The following TMEM117 variants were observed in gnomAD, a reference collection of about 807,000 sequenced individuals.
TMEM117 encodes the protein transmembrane protein 117.
TMEM117 carries 27 observed loss-of-function variants against 52.4 expected under a neutral mutation model. The ratio of observed to expected loss-of-function variants is 0.51; its 90% CI spans 0.38 to 0.71. The LOEUF is 0.71. TMEM117 is among the 30% of genes least tolerant of loss of function. TMEM117 has a pLI of 0.00. For synonymous variants in TMEM117, 215 were observed against 206.3 expected (o/e 1.04, Z -0.36); for missense variants, 556 against 630.5 (o/e 0.88, Z 1.26).
At chr12:44,081,679 G>A (rs1947483593) in intron 3 of TMEM117, among the ~76,000 whole-genome samples, 1 of 152,078 alleles carries the variant, frequency 6.6e-6, no homozygotes, top group Non-Finnish European at 1.5e-5. Flanking sequence ...TATTTTTAAA[G>A]TTAATGACTT....
chr12:43,839,307 C>T (rs1943081330), intron 1 of TMEM117, among the ~76,000 whole-genome samples: 1 of 152,290 alleles, frequency 6.6e-6, no homozygotes, highest in South Asian at 2.1e-4. Context: ...TCCTGTCCCA[C>T]TCAGGGTGAA....
intron 3 of TMEM117, among the ~76,000 whole-genome samples, chr12:44,037,094 C>T (rs1946721280): frequency 6.6e-6 from 1 of 152,086 alleles, no homozygotes; most frequent in African/African-American, 2.4e-5. Flanking sequence ...CAGGTGGAAG[C>T]CCCGCTCCCT....
intron 6 of TMEM117, among the ~76,000 whole-genome samples, chr12:44,324,968 T>C (rs1951177186): frequency 1.3e-5 from 2 of 152,200 alleles, no homozygotes; most frequent in South Asian, 4.1e-4. Context: ...TATAATAAGC[T>C]AAGCCAAATT....
chr12:44,271,238 G>A (rs1950442207), intron 5 of TMEM117, among the ~76,000 whole-genome samples: 1 of 151,992 alleles, frequency 6.6e-6, no homozygotes, highest in South Asian at 2.1e-4. Flanking sequence ...TATGGGTATA[G>A]TAATATAATT....
intron 4 of TMEM117, among the ~76,000 whole-genome samples, chr12:44,175,645 TA>T (rs1297019624): frequency 6.6e-6 from 1 of 152,098 alleles, no homozygotes; most frequent in African/African-American, 2.4e-5. Flanking sequence ...ATGGCCAAGG[TA>T]AAGGCCCAAT....
intron 2 of TMEM117, among the ~76,000 whole-genome samples, chr12:43,870,248 T>C (rs117543763): frequency 2.6e-5 from 4 of 151,852 alleles, no homozygotes; most frequent in Non-Finnish European, 5.9e-5. Flanking sequence ...TGCTGCAGTG[T>C]GCATGTGTCT....
intron 3 of TMEM117, among the ~76,000 whole-genome samples, chr12:44,042,533 C>T (rs1311256737): frequency 6.6e-6 from 1 of 151,794 alleles, no homozygotes; most frequent in Non-Finnish European, 1.5e-5. Flanking sequence ...CTGGTGGGCA[C>T]CATCTAATCA....
At position 44,062,243 on chromosome 12, in the gene TMEM117, G is replaced by A. The variant is rs140405378; in HGVS notation, c.411-81282G>A. 9.2e-5 allele frequency among the ~76,000 whole-genome samples: 14 copies of A among 152,290 alleles called. No homozygotes were observed. The East Asian group carries it at 2.7e-3, about 29-fold the overall frequency. Reference sequence around the variant, plus strand: ...AATTTTTCCAGGAATATTGCCACTTGCATTAGAAGTAAATAAAGTTGAAGG... The same window carrying A: ...AATTTTTCCAGGAATATTGCCACTTACATTAGAAGTAAATAAAGTTGAAGG... On this transcript the variant is annotated intron_variant, in intron 3 of 7. Transcript: ENST00000266534.
intron 4 of TMEM117, among the ~76,000 whole-genome samples, chr12:44,191,436 T>G (rs1949352688): frequency 6.6e-6 from 1 of 152,160 alleles, no homozygotes; most frequent in South Asian, 2.1e-4. Context: ...TACATATAGC[T>G]GTATATATAC....
At chr12:44,229,124 T>TTGAG (rs1426796222) in intron 5 of TMEM117, among the ~76,000 whole-genome samples, 2 of 151,986 alleles carry the variant, frequency 1.3e-5, no homozygotes, top group Non-Finnish European at 1.5e-5. Context: ...ACTTGTGGCC[T>TTGAG]TGAGCATCTA....
At chr12:43,990,528 A>G (rs1036694122) in intron 3 of TMEM117, among the ~76,000 whole-genome samples, 25 of 152,180 alleles carry the variant, frequency 1.6e-4, no homozygotes, top group Non-Finnish European at 2.1e-4. Flanking sequence ...AAGATTTTTT[A>G]TATAACTTAT....
rs1250674234 is a variant in TMEM117 at position 44,152,535 on chromosome 12, TC to T, written c.510+8912del. ...ATATAAATTTATATATATATTTATA[TC>T]ATATAAATTTTTATATATAATATTT... On this transcript the variant is annotated intron_variant, in intron 4 of 7. Transcript: ENST00000266534. Among the ~76,000 whole-genome samples the T allele has an allele frequency of 6.7e-5, 8 of 119,418 alleles. No homozygotes were observed. In the East Asian group the frequency reaches 2.1e-3, roughly 31 times the overall value. 78.3% of individuals were successfully genotyped at this position (119,418 alleles called of 152,430 possible).
At position 43,863,472 on chromosome 12, in the gene TMEM117, A is replaced by G. The variant is rs548869727; in HGVS notation, c.277+18544A>G. ...GACTCTTTGAAAAGATCAGACTATT[A>G]CGCATGGGGCATCTCTGACTCTAGA... is the stretch of plus-strand genomic sequence containing the variant. On this transcript the variant is annotated intron_variant, in intron 2 of 7. Coordinates refer to ENST00000266534, the MANE Select transcript of TMEM117 (RefSeq NM_032256.3). Among the ~76,000 whole-genome samples the G allele has an allele frequency of 2.0e-5, 3 of 152,278 alleles. No individual in the cohort carries two copies. In the South Asian group the frequency reaches 6.2e-4, roughly 32 times the overall value.
intron 5 of TMEM117, among the ~76,000 whole-genome samples, chr12:44,254,323 A>G (rs899426215): frequency 7.9e-5 from 12 of 152,056 alleles, no homozygotes; most frequent in Admixed American, 1.3e-4. Context: ...GAATCAATCA[A>G]TTAGAAGAAC....
At chr12:44,379,970 C>A (rs1376215780) in intron 7 of TMEM117, among the ~76,000 whole-genome samples, 1 of 152,196 alleles carries the variant, frequency 6.6e-6, no homozygotes, top group East Asian at 1.9e-4. Flanking sequence ...ATTAGCCACA[C>A]CTCCAGAATC....
intron 5 of TMEM117, among the ~76,000 whole-genome samples, chr12:44,228,573 G>A (rs1949893113): frequency 6.6e-6 from 1 of 152,084 alleles, no homozygotes; most frequent in Non-Finnish European, 1.5e-5. Flanking sequence ...AAAGCAATGT[G>A]GTGATCTGAA....
At chr12:44,221,393 T>C (rs895185151) in intron 5 of TMEM117, among the ~76,000 whole-genome samples, 1 of 152,208 alleles carries the variant, frequency 6.6e-6, no homozygotes, top group Non-Finnish European at 1.5e-5. Context: ...AACCACTCTC[T>C]TATAGCCAGT....
At chr12:44,334,697 C>T (rs1012429942) in intron 6 of TMEM117, among the ~76,000 whole-genome samples, 9 of 152,108 alleles carry the variant, frequency 5.9e-5, no homozygotes, top group Admixed American at 3.9e-4. Context: ...TACTTAACGC[C>T]TGGATGTAGG....
At chr12:44,226,535 T>C (rs943314702) in intron 5 of TMEM117, among the ~76,000 whole-genome samples, 40 of 137,566 alleles carry the variant, frequency 2.9e-4, no homozygotes, top group African/African-American at 1.0e-3. Context: ...ACACATATAA[T>C]ATACATGTTG....
Sources: gnomAD v4.1 joint callset for allele counts (sites outside exome capture counted in the v4.1 genomes callset) on GRCh38, gnomAD v4.1.1 for gene constraint, MANE v1.5 for transcripts, NCBI Gene and HGNC (gene_info 2026-07-23, HGNC 2026-07-21) for gene names.